CNTLN: variants seen among roughly 807,000 people sequenced by gnomAD.
The protein encoded by CNTLN is centlein.
A neutral mutation model predicts 180.0 loss-of-function variants in CNTLN; 212 were observed. The observed-to-expected ratio is 1.18, with a 90% CI of 1.05 to 1.32. CNTLN has a LOEUF of 1.32. Among genes scored for constraint, CNTLN ranks in the 40% most tolerant of loss-of-function variants. The pLI, the probability that CNTLN is intolerant of heterozygous loss-of-function variation, is 0.00. For synonymous variants in CNTLN, 722 were observed against 563.1 expected, an observed-to-expected ratio of 1.28 and a Z score of -3.99; for missense variants, 2,095 against 1,610.9, an observed-to-expected ratio of 1.30 and a Z score of -5.14.
At chr9:17,304,366 C>T (rs1485038174) in intron 7 of CNTLN, among the ~76,000 whole-genome samples, 2 of 152,080 alleles carry the variant, frequency 1.3e-5, no homozygotes, top group Non-Finnish European at 2.9e-5. Flanking sequence ...TATATCTGCA[C>T]CTTTATATAT....
intron 2 of CNTLN, among the ~76,000 whole-genome samples, chr9:17,189,574 C>A (rs541047851): frequency 1.3e-5 from 2 of 151,880 alleles, no homozygotes; most frequent in South Asian, 4.2e-4. Flanking sequence ...ACCTCCGCCT[C>A]CCAGGTTCAA....
chr9:17,316,666 T>C (rs7847833), intron 8 of CNTLN, among the ~76,000 whole-genome samples: 2,453 of 152,214 alleles, frequency 0.016, 70 homozygotes, highest in African/African-American at 0.056. Context: ...AGGTAAGATA[T>C]AAATCTGCAA....
intron 2 of CNTLN, among the ~76,000 whole-genome samples, chr9:17,164,457 G>GTTTTTTTTTTTTTTTTTTT (rs772109564): frequency 1.5e-5 from 1 of 68,456 alleles, no homozygotes; most frequent in Non-Finnish European, 2.5e-5. Context: ...TTATTTTTAT[G>GTTTTTTTTTTTTTTTTTTT]TTTTTTTTTT....
In CNTLN at chr9:17,342,408, A is replaced by G. The variant is rs201466402; in HGVS notation, c.1850A>G (p.Tyr617Cys). The change falls in exon 12 of 26, where the codon TAT becomes TGT. Residue 617 changes from tyrosine (Y) to cysteine (C), a missense_variant. By Grantham distance (194) the Tyr-to-Cys change is radical. Coordinates refer to ENST00000380647, the MANE Select transcript of CNTLN (RefSeq NM_017738.4). ...GACGCTGTGTGGAATGAACTGGCAT[A>G]TTTCAAAAGGGAAAACCAGGAGCTA... ...DSDAVWNELA[Y>C]FKRENQELMI... 6.2e-7 allele frequency: 1 copy of G among 1,610,448 alleles called. No individual in the cohort carries two copies. Among genetic ancestry groups the G allele is most frequent in the Non-Finnish European group, 8.5e-7 (1 of 1,178,760 alleles).
chr9:17,303,767 A>G (rs1165697512), intron 7 of CNTLN, among the ~76,000 whole-genome samples: 1 of 152,124 alleles, frequency 6.6e-6, no homozygotes, highest in Non-Finnish European at 1.5e-5. Context: ...ATAATCTTGC[A>G]ATAATGAGAT....
At chr9:17,251,787 G>C (rs1413645206) in intron 5 of CNTLN, among the ~76,000 whole-genome samples, 7 of 151,886 alleles carry the variant, frequency 4.6e-5, no homozygotes, top group Admixed American at 2.0e-4. Context: ...ATGTGACGTT[G>C]TTCCCAAGTA....
the CNTLN span, among the ~76,000 whole-genome samples, chr9:17,525,675 G>A: frequency 6.6e-6 from 1 of 152,062 alleles, no homozygotes; most frequent in Non-Finnish European, 1.5e-5. Context: ...CTAATTTTAT[G>A]AAAATGTATA....
At chr9:17,295,087 C>A (rs1366035120) in intron 6 of CNTLN, among the ~76,000 whole-genome samples, 1 of 151,932 alleles carries the variant, frequency 6.6e-6, no homozygotes. Flanking sequence ...TGCTAAGCCC[C>A]TCACTGCCGG....
intron 8 of CNTLN, among the ~76,000 whole-genome samples, chr9:17,313,772 T>C (rs1188727471): frequency 6.6e-6 from 1 of 152,238 alleles, no homozygotes; most frequent in East Asian, 1.9e-4. Flanking sequence ...TTTTCAGTGT[T>C]GGTCCACAGA....
At chr9:17,330,895 C>T (rs1358989034) in intron 9 of CNTLN, 87 bp downstream of exon 9, 8 of 1,196,242 alleles carry the variant, frequency 6.7e-6, no homozygotes, top group East Asian at 2.5e-5. Context: ...GCAGCATTTA[C>T]TTCTCTGCTT....
chr9:17,308,925 C>G (rs1818930255), intron 7 of CNTLN, 133 bp from the exon 8 acceptor site: 1 of 411,744 alleles, frequency 2.4e-6, no homozygotes, highest in Non-Finnish European at 4.3e-6. Flanking sequence ...CTCTCTGAGA[C>G]TATTAAAATA....
chr9:17,183,690 G>A (rs1454406749), intron 2 of CNTLN, among the ~76,000 whole-genome samples: 1 of 151,750 alleles, frequency 6.6e-6, no homozygotes, highest in African/African-American at 2.4e-5. Flanking sequence ...TGTTTCAAAG[G>A]CAAATGAACT....
intron 5 of CNTLN, among the ~76,000 whole-genome samples, chr9:17,263,853 G>C (rs1827197146): frequency 7.1e-6 from 1 of 141,248 alleles, no homozygotes. Flanking sequence ...TTTGAGAAGT[G>C]TCTGTTCATA....
At chr9:17,216,900 C>G (rs748357239) in intron 2 of CNTLN, among the ~76,000 whole-genome samples, 1 of 152,210 alleles carries the variant, frequency 6.6e-6, no homozygotes, top group Non-Finnish European at 1.5e-5. Flanking sequence ...CATCTGGTAG[C>G]AATGCTGCCA....
intron 8 of CNTLN, among the ~76,000 whole-genome samples, chr9:17,320,188 T>G (rs1819808904): frequency 1.3e-5 from 2 of 152,324 alleles, no homozygotes; most frequent in Non-Finnish European, 1.5e-5. Context: ...TTATTTCTTT[T>G]CATAGTTACT....
intron 2 of CNTLN, among the ~76,000 whole-genome samples, chr9:17,154,845 C>G (rs1038312380): frequency 2.0e-5 from 3 of 152,180 alleles, no homozygotes; most frequent in African/African-American, 4.8e-5. Context: ...GCCATCTGAG[C>G]CAGCAGGGGC....
chr9:17,226,756 C>A (rs1824492643), intron 3 of CNTLN, among the ~76,000 whole-genome samples: 1 of 151,772 alleles, frequency 6.6e-6, no homozygotes. Context: ...AAAGAGGTTT[C>A]ATTGGCTTAT....
At chr9:17,271,107 C>T (rs567853742) in intron 5 of CNTLN, among the ~76,000 whole-genome samples, 1 of 152,026 alleles carries the variant, frequency 6.6e-6, no homozygotes, top group African/African-American at 2.4e-5. Context: ...CCCGCCACCA[C>T]GCCCGGCTAA....
intron 21 of CNTLN, among the ~76,000 whole-genome samples, chr9:17,465,258 T>G (rs1227155185): frequency 6.6e-6 from 1 of 150,660 alleles, no homozygotes; most frequent in East Asian, 1.9e-4. Context: ...TAAGTATCTC[T>G]TAGGTCAAAT....
Sources: allele counts gnomAD v4.1 joint callset (sites outside exome capture counted in the v4.1 genomes callset), GRCh38; gene constraint gnomAD v4.1.1; transcripts MANE v1.5; gene names NCBI Gene and HGNC (gene_info 2026-07-23, HGNC 2026-07-21).